CIB1: variants seen among roughly 807,000 people sequenced by gnomAD.
The protein encoded by CIB1 is calcium and integrin binding 1, also known as calcium and integrin-binding protein 1.
Under a neutral mutation model 25.0 loss-of-function variants are expected in CIB1, and 19 were observed. The observed-to-expected ratio is 0.76, with a 90% CI of 0.53 to 1.12. The LOEUF is 1.12. Among genes scored for constraint, CIB1 ranks in the 50% most tolerant of loss-of-function variants. CIB1 has a pLI of 0.00. For missense variants in CIB1, 236 were observed against 242.6 expected (o/e 0.97, Z 0.18); for synonymous variants, 104 against 98.5 (o/e 1.06, Z -0.33).
upstream of CIB1, chr15:90,234,062 A>G (rs971120049): frequency 1.6e-5 from 11 of 697,428 alleles, no homozygotes; most frequent in East Asian, 2.9e-4. Flanking sequence ...TTGGCAGGCG[A>G]GCTGCCGGCT....
At chr15:90,262,407 T>C in the CIB1 span, 2 of 1,360,790 alleles carry the variant, frequency 1.5e-6, no homozygotes, top group Non-Finnish European at 1.9e-6. Flanking sequence ...TGTAATTTCC[T>C]GCTCTTTCCT....
At chr15:90,243,700 G>T in the CIB1 span, 1 of 142,510 alleles carries the variant, frequency 7.0e-6, no homozygotes, top group Non-Finnish European at 1.5e-5. Context: ...CCAGGCTGGA[G>T]TGCAGTGGTA....
the CIB1 span, chr15:90,253,194 C>A: frequency 1.4e-6 from 2 of 1,471,412 alleles, no homozygotes; most frequent in Non-Finnish European, 1.9e-6. Flanking sequence ...CTACACAGTT[C>A]CAGGGCTTGT....
At chr15:90,260,404 A>G in the CIB1 span, among the ~76,000 whole-genome samples, 28 of 151,876 alleles carry the variant, frequency 1.8e-4, no homozygotes, top group African/African-American at 5.8e-4. Flanking sequence ...GGCTGAGGTG[A>G]GAGGATGGCT....
At chr15:90,248,769 T>G in the CIB1 span, among the ~76,000 whole-genome samples, 1 of 141,210 alleles carries the variant, frequency 7.1e-6, no homozygotes. Flanking sequence ...GTCCATGTCT[T>G]TTTAAAAGGA....
chr15:90,256,557 CTT>C, the CIB1 span, among the ~76,000 whole-genome samples: 570 of 37,092 alleles, frequency 0.015, 2 homozygotes, highest in African/African-American at 0.062. Flanking sequence ...TTCTTTCTTT[CTT>C]TCTTTCTTTC....
chr15:90,232,929 CAAA>C (rs35084096), intron 2 of CIB1, among the ~76,000 whole-genome samples: 3 of 136,244 alleles, frequency 2.2e-5, no homozygotes, highest in Admixed American at 7.5e-5. Flanking sequence ...GACGCTGTCT[CAAA>C]AAAAAAAAAA....
chr15:90,240,026 C>G, the CIB1 span, among the ~76,000 whole-genome samples: 2 of 151,852 alleles, frequency 1.3e-5, no homozygotes, highest in Non-Finnish European at 2.9e-5. Flanking sequence ...GAGTTCAAGA[C>G]CAGCCAGACC....
the CIB1 span, chr15:90,250,498 G>C: frequency 1.8e-6 from 2 of 1,112,206 alleles, no homozygotes; most frequent in Non-Finnish European, 2.5e-6. Context: ...TGTCCTGAAG[G>C]GGCAGCAACT....
the CIB1 span, chr15:90,240,951 C>T: frequency 6.2e-7 from 1 of 1,613,982 alleles, no homozygotes; most frequent in South Asian, 1.1e-5. Context: ...CTATTTGCTG[C>T]CTCCCAACAA....
chr15:90,241,721 C>G, the CIB1 span: 556 of 1,614,232 alleles, frequency 3.4e-4, 1 homozygote, highest in South Asian at 9.1e-4. Flanking sequence ...CCTTGATAAG[C>G]AGGGTATGTC....
the CIB1 span, among the ~76,000 whole-genome samples, chr15:90,259,797 G>A: frequency 6.6e-6 from 1 of 152,176 alleles, no homozygotes; most frequent in Non-Finnish European, 1.5e-5. Context: ...GTTTACATCC[G>A]TGTTGGTCAC....
the CIB1 span, chr15:90,241,922 C>T: frequency 2.1e-5 from 34 of 1,614,024 alleles, no homozygotes; most frequent in Non-Finnish European, 2.8e-5. Context: ...TGGCTGGGCA[C>T]CTCCCTGTCA....
the CIB1 span, chr15:90,251,453 A>G: frequency 8.0e-7 from 1 of 1,248,730 alleles, no homozygotes; most frequent in African/African-American, 1.5e-5. Flanking sequence ...AGTGGCTTCT[A>G]GAGAAAAGGA....
the CIB1 span, chr15:90,258,879 G>A: frequency 1.1e-5 from 18 of 1,614,064 alleles, no homozygotes; most frequent in Admixed American, 1.7e-5. Flanking sequence ...GATAAGCGGC[G>A]AGTCAAGGAA....
At chr15:90,238,095 T>C (rs1962673605), upstream of CIB1, among the ~76,000 whole-genome samples, 1 of 152,040 alleles carries the variant, frequency 6.6e-6, no homozygotes, top group Non-Finnish European at 1.5e-5. Flanking sequence ...AGGTCAGGAG[T>C]TCGAGACCAG....
chr15:90,258,754 T>C, the CIB1 span: 2 of 1,614,084 alleles, frequency 1.2e-6, no homozygotes, highest in African/African-American at 2.7e-5. Context: ...TAAACCACTC[T>C]CCAAGCTTTA....
the CIB1 span, chr15:90,256,243 T>A: frequency 6.2e-7 from 1 of 1,613,934 alleles, no homozygotes; most frequent in East Asian, 2.2e-5. Flanking sequence ...TTACCCGAAA[T>A]CCCCGGGAGA....
At chr15:90,248,760 T>TAAAAAAA in the CIB1 span, among the ~76,000 whole-genome samples, 3 of 49,418 alleles carry the variant, frequency 6.1e-5, no homozygotes, top group Non-Finnish European at 9.4e-5. Context: ...AAAAAAAAAG[T>TAAAAAAA]CCATGTCTTT....
Sources: allele counts gnomAD v4.1 joint callset (sites outside exome capture counted in the v4.1 genomes callset), GRCh38; gene constraint gnomAD v4.1.1; transcripts MANE v1.5; gene names NCBI Gene and HGNC (gene_info 2026-07-23, HGNC 2026-07-21).